The following PRTG variants were observed in gnomAD, a reference collection of about 807,000 sequenced individuals.
PRTG encodes immunoglobulin superfamily, DCC subclass, member 5.
A neutral mutation model predicts 122.5 loss-of-function variants in PRTG; 67 were observed. The ratio of observed to expected loss-of-function variants is 0.55; its 90% CI spans 0.45 to 0.67. PRTG has a LOEUF of 0.67. Ranked by LOEUF, PRTG falls within the 30% of genes least tolerant of loss-of-function variation. The pLI is 0.00. For synonymous variants in PRTG, 554 were observed against 501.1 expected, an observed-to-expected ratio of 1.11 and a Z score of -1.41; for missense variants, 1,435 against 1,415.4, an observed-to-expected ratio of 1.01 and a Z score of -0.22.
chr15:55,717,788 T>C (rs1345248695), intron 2 of PRTG, among the ~76,000 whole-genome samples: 2 of 152,240 alleles, frequency 1.3e-5, no homozygotes, highest in African/African-American at 4.8e-5. Context: ...ACTTTAAATT[T>C]TTCTTTAAAA....
Position 55,619,989 on chromosome 15 carries a change from C to A in PRTG, c.*23G>T, listed in dbSNP as rs199539745. ...CACTTCCTCAATGCGGAATCTCCAC[C>A]TGAATCACTGCCAGTGAAAGAATCA... On this transcript the variant is annotated 3_prime_UTR_variant, in exon 20 of 20. Transcript: ENST00000389286. The A allele has an allele frequency of 6.1e-4, 983 of 1,612,822 alleles. No homozygotes were observed. Among genetic ancestry groups the A allele is most frequent in the Non-Finnish European group, 8.2e-4 (965 of 1,179,258 alleles).
At chr15:55,720,991 C>T (rs562087949) in intron 2 of PRTG, among the ~76,000 whole-genome samples, 7 of 152,136 alleles carry the variant, frequency 4.6e-5, no homozygotes, top group East Asian at 1.9e-4. Context: ...CCGAAAACTA[C>T]GTTTTTCCCA....
rs2141798226 is a variant in PRTG at position 55,673,583 on chromosome 15, C to T, written c.1640G>A (p.Gly547Asp). 1.9e-6 allele frequency: 3 copies of T among 1,614,170 alleles called. No individual in the cohort carries two copies. The highest frequency in any genetic ancestry group is 2.5e-6 in the Non-Finnish European group (3 of 1,180,030). ...WLPIPAKYRR[G>D]QVVLYRLSFR... ...AGACAAGCGATACAGCACCACTTGG[C>T]CCCGCCGATATTTGGCTGGGATTGG... Residue 547 changes from glycine to aspartate, a missense_variant, in exon 10 of 20, where the codon GGC becomes GAC. Physicochemically the swap from Gly to Asp is moderately conservative, Grantham distance 94 (BLOSUM62 -1). Coordinates refer to ENST00000389286, the MANE Select transcript of PRTG (RefSeq NM_173814.6).
Position 55,637,155 on chromosome 15 carries a change from A to T in PRTG, c.2623+15T>A. ...ATCGTACTTTTCACCCTTCATGGCA[A>T]TTTATGATATTTACCTTCACGGTGT... On this transcript the variant is annotated intron_variant, in intron 15 of 19. Transcript: ENST00000389286. 1.3e-6 allele frequency: 2 copies of T among 1,492,422 alleles called. No individual in the cohort carries two copies. The highest frequency in any genetic ancestry group is 1.8e-6 in the Non-Finnish European group (2 of 1,114,786). 92.4% of individuals were successfully genotyped at this position (1,492,422 alleles called of 1,614,324 possible).
At chr15:55,740,144 A>G (rs1386546674) in intron 2 of PRTG, among the ~76,000 whole-genome samples, 1 of 152,210 alleles carries the variant, frequency 6.6e-6, no homozygotes, top group Non-Finnish European at 1.5e-5. Flanking sequence ...AGCCACCTCT[A>G]CAGGTTTCAT....
rs1210695373 is a variant in PRTG at position 55,620,145 on chromosome 15, A to G, written c.3320T>C (p.Val1107Ala). ...TGCTGAATGTTCTGTATCAGCTGCA[A>G]CACCAAAGGGTCTTGAGAAGCTGGT... The part of the protein sequence containing the change: ...QTTSFSRPFG[V>A]AADTEHSANS... The change falls in exon 20 of 20, where the codon GTT (valine) becomes GCT (alanine). Residue 1107 changes from valine to alanine, a missense_variant. By Grantham distance (64) the Val-to-Ala change is moderately conservative (BLOSUM62 0). Transcript: ENST00000389286. 2.5e-6 allele frequency: 4 copies of G among 1,614,202 alleles called. No individual in the cohort carries two copies. Among genetic ancestry groups the G allele is most frequent in the East Asian group, 4.5e-5 (2 of 44,892 alleles).
rs372554652 is a variant in PRTG at position 55,675,538 on chromosome 15, T to C, written c.1527A>G (p.Thr509=). The C allele has an allele frequency of 3.4e-5, 55 of 1,611,468 alleles. No homozygotes were observed. The highest frequency in any genetic ancestry group is 4.4e-5 in the Non-Finnish European group (52 of 1,178,316). Residue 509 remains threonine (T), a synonymous_variant, in exon 9 of 20, where the codon ACA becomes ACG. Coordinates refer to ENST00000389286, the MANE Select transcript of PRTG (RefSeq NM_173814.6). The part of the protein sequence containing the change: ...MGASQMSDHV[T]QNTLEDVPLR... ...TCTTACCATCCTCTAGAGTATTCTGTGTCACATGGTCAGACATCTGGCTGG... is the reference window on the plus strand; with the variant it reads ...TCTTACCATCCTCTAGAGTATTCTGCGTCACATGGTCAGACATCTGGCTGG...
intron 4 of PRTG, 68 bp downstream of exon 4, chr15:55,682,296 A>G: frequency 7.9e-7 from 1 of 1,273,086 alleles, no homozygotes; most frequent in Admixed American, 2.4e-5. Flanking sequence ...TTATTACAGC[A>G]GAGGAGAAGA....
Position 55,641,710 on chromosome 15 carries a change from T to C in PRTG, c.2042-502A>G, listed in dbSNP as rs574271819. ...GTACCTTTGAAAACTTATATAACCA[T>C]GTTTTGTTTAAGTTTTAAGTTTAAA... On this transcript the variant is annotated intron_variant, in intron 11 of 19. Coordinates refer to ENST00000389286, the MANE Select transcript of PRTG (RefSeq NM_173814.6). Among the ~76,000 whole-genome samples the C allele has an allele frequency of 3.3e-4, 50 of 152,332 alleles. No individual in the cohort carries two copies. In the South Asian group the frequency reaches 3.9e-3, roughly 12 times the overall value.
intron 2 of PRTG, among the ~76,000 whole-genome samples, chr15:55,686,487 T>C (rs1267791305): frequency 2.0e-5 from 3 of 152,196 alleles, no homozygotes; most frequent in African/African-American, 7.2e-5. Flanking sequence ...ATGAATTAAG[T>C]ATTCAATTCA....
Position 55,612,697 on chromosome 15 carries a change from A to AATATATAT in PRTG, c.*7307_*7314dup, listed in dbSNP as rs59773365. 4.1e-4 allele frequency: 49 copies of AATATATAT among 120,728 alleles called. No individual in the cohort carries two copies. The highest frequency in any genetic ancestry group is 1.1e-3 in the African/African-American group (24 of 21,386). The allele number at this position is 120,728 out of a possible 1,614,324, so 7.5% of individuals were successfully genotyped here. On this transcript the variant is annotated 3_prime_UTR_variant, in exon 20 of 20. Transcript: ENST00000389286. The stretch of plus-strand genomic sequence containing the variant: ...TTCTCTCTTTAACTCTTTAAAAGCC[A>AATATATAT]ATATATATATATATATATATATATA...
chr15:55,649,315 G>A (rs1370653976), intron 11 of PRTG, among the ~76,000 whole-genome samples: 1 of 152,062 alleles, frequency 6.6e-6, no homozygotes, highest in East Asian at 1.9e-4. Flanking sequence ...TATGAAACTT[G>A]GAGAAGTTAT....
rs781485180 is a variant in PRTG at position 55,677,855 on chromosome 15, C to G, written c.1323G>C (p.Arg441Ser). ...TGACTTTGTCTGAATTATAAAGTGG[C>G]CTCTCCCAGGCTAAAAGAATGGCTG... ...SSSAILLAWE[R>S]PLYNSDKVIA... The change falls in exon 8 of 20, where the codon AGG (arginine) becomes AGC (serine). Residue 441 changes from arginine to serine, a missense_variant. Physicochemically the swap from Arg to Ser is moderately radical, Grantham distance 110. Transcript: ENST00000389286. 2 of 1,613,818 alleles carry G rather than the reference C, an allele frequency of 1.2e-6. No individual in the cohort carries two copies. The highest frequency in any genetic ancestry group is 4.5e-5 in the East Asian group (2 of 44,872).
chr15:55,736,932 T>C (rs751355475), intron 2 of PRTG, among the ~76,000 whole-genome samples: 4 of 152,166 alleles, frequency 2.6e-5, no homozygotes, highest in Non-Finnish European at 4.4e-5. Context: ...GCCTCCTCCT[T>C]TACTTCTCTC....
At position 55,717,852 on chromosome 15, in the gene PRTG, G is replaced by T. The variant is rs372167457; in HGVS notation, c.397+22530C>A. Among the ~76,000 whole-genome samples, 9 of 152,320 alleles carry T rather than the reference G, an allele frequency of 5.9e-5. No individual in the cohort carries two copies. The South Asian group carries it at 1.7e-3, about 28-fold the overall frequency. ...TGGGACTCAGCCCGCCTGCACCCAG[G>T]TGAAATAAACAGCCCTGTTGCTCAC... On this transcript the variant is annotated intron_variant, in intron 2 of 19. Transcript: ENST00000389286.
chr15:55,647,565 G>A (rs115968412), intron 11 of PRTG, among the ~76,000 whole-genome samples: 283 of 152,246 alleles, frequency 1.9e-3, no homozygotes, highest in African/African-American at 6.6e-3. Flanking sequence ...AAATGTAACA[G>A]GACGTCTCTG....
At chr15:55,704,291 A>C (rs752475746) in intron 2 of PRTG, among the ~76,000 whole-genome samples, 5 of 152,220 alleles carry the variant, frequency 3.3e-5, no homozygotes, top group Non-Finnish European at 5.9e-5. Flanking sequence ...CAGAAAGAGA[A>C]TCAATAAAGC....
At position 55,638,566 on chromosome 15, in the gene PRTG, T is replaced by C; in HGVS notation, c.2435A>G (p.His812Arg). ...TTCTTTACCTTCTGGAAGAGTAGAA[T>C]GGTAGACTACAGGGCTCCAAGGACT... ...LSSPWSPVVYHSTLPEAPAGP... is the reference protein window; with the variant it reads ...LSSPWSPVVYRSTLPEAPAGP... Residue 812 changes from histidine (H) to arginine (R), a missense_variant, in exon 14 of 20, where the codon CAT (histidine) becomes CGT (arginine). Coordinates refer to ENST00000389286, the MANE Select transcript of PRTG (RefSeq NM_173814.6). 2 of 1,611,000 alleles carry C rather than the reference T, an allele frequency of 1.2e-6. No individual in the cohort carries two copies. Among genetic ancestry groups the C allele is most frequent in the Admixed American group, 1.7e-5 (1 of 59,426 alleles).
At chr15:55,710,213 A>G (rs1191498497) in intron 2 of PRTG, among the ~76,000 whole-genome samples, 1 of 152,216 alleles carries the variant, frequency 6.6e-6, no homozygotes, top group African/African-American at 2.4e-5. Flanking sequence ...AAAATCAGTT[A>G]ATTTCAAAAG....
Sources: allele counts gnomAD v4.1 joint callset (sites outside exome capture counted in the v4.1 genomes callset), GRCh38; gene constraint gnomAD v4.1.1; transcripts MANE v1.5; gene names NCBI Gene and HGNC (gene_info 2026-07-23, HGNC 2026-07-21).